The following HDX variants were observed in gnomAD, a reference collection of about 807,000 sequenced individuals.
The protein encoded by HDX is highly divergent homeobox.
In HDX, 19 loss-of-function variants were observed where a neutral mutation model predicts 45.2. That is an observed-to-expected ratio of 0.42 (90% CI 0.29 to 0.62). HDX has a LOEUF of 0.62. Ranked by LOEUF, HDX falls within the 20% of genes least tolerant of loss-of-function variation. HDX has a pLI of 0.20. For missense variants in HDX, 532 were observed against 493.9 expected (o/e 1.08, Z -0.73); for synonymous variants, 188 against 172.8 (o/e 1.09, Z -0.69).
intron 2 of HDX, among the ~76,000 whole-genome samples, chrX:84,483,215 G>A (rs1163329509): frequency 1.8e-5 from 2 of 111,517 alleles, no homozygotes; most frequent in Admixed American, 1.9e-4. Context: ...GAGGACAGTG[G>A]CCCTCTTCTC....
intron 5 of HDX, among the ~76,000 whole-genome samples, chrX:84,417,930 T>G (rs193198037): frequency 2.4e-3 from 267 of 112,135 alleles, no homozygotes; most frequent in Non-Finnish European, 4.2e-3. Flanking sequence ...AGCTATTCCC[T>G]GTACTCCTCA....
intron 9 of HDX, among the ~76,000 whole-genome samples, chrX:84,328,420 T>C (rs1165268839): frequency 1.8e-5 from 2 of 110,920 alleles, no homozygotes; most frequent in Non-Finnish European, 3.8e-5. Flanking sequence ...TTAAAATATA[T>C]TGTAAAGAAA....
intron 2 of HDX, among the ~76,000 whole-genome samples, chrX:84,485,631 C>T (rs1310028452): frequency 3.6e-5 from 4 of 112,013 alleles, no homozygotes; most frequent in Non-Finnish European, 7.5e-5. Context: ...CTCCTGGCCT[C>T]AAGTGATCTG....
chrX:84,380,594 C>T (rs1216145262), intron 5 of HDX, among the ~76,000 whole-genome samples: 1 of 111,334 alleles, frequency 9.0e-6, no homozygotes, highest in Non-Finnish European at 1.9e-5. Flanking sequence ...CAATGTGATA[C>T]ATCACACCAA....
chrX:84,450,267 A>C (rs5923007), intron 4 of HDX, among the ~76,000 whole-genome samples: 49,312 of 109,952 alleles, frequency 0.45, 8,619 homozygotes, highest in Middle Eastern at 0.65. Flanking sequence ...ACAACAAAAA[A>C]AACCATCACT....
intron 5 of HDX, among the ~76,000 whole-genome samples, chrX:84,366,244 G>A (rs906726898): frequency 5.4e-5 from 6 of 111,496 alleles, no homozygotes; most frequent in African/African-American, 1.3e-4. Flanking sequence ...TTGCTACAAA[G>A]AGAATAAAAT....
intron 7 of HDX, among the ~76,000 whole-genome samples, chrX:84,342,789 A>T (rs1202201023): frequency 1.2e-3 from 135 of 111,631 alleles, no homozygotes; most frequent in African/African-American, 4.2e-3. Context: ...GTATAAGGAA[A>T]GACTGTAATC....
intron 4 of HDX, among the ~76,000 whole-genome samples, chrX:84,455,533 CA>C (rs1437659511): frequency 1.8e-5 from 2 of 111,141 alleles, no homozygotes; most frequent in Admixed American, 9.5e-5. Context: ...CCAGAGAAGA[CA>C]AAATATAAAA....
intron 2 of HDX, among the ~76,000 whole-genome samples, chrX:84,484,828 G>A (rs748829059): frequency 9.0e-6 from 1 of 111,585 alleles, no homozygotes; most frequent in South Asian, 3.7e-4. Flanking sequence ...GCTTTGTTTG[G>A]ATTTAATTTA....
At chrX:84,397,466 G>A (rs2038592554) in intron 5 of HDX, among the ~76,000 whole-genome samples, 1 of 111,532 alleles carries the variant, frequency 9.0e-6, no homozygotes, top group South Asian at 3.8e-4. Context: ...GTCTGCATGG[G>A]TCAAGAGGCT....
At chrX:84,438,993 T>G (rs2039699542) in intron 5 of HDX, among the ~76,000 whole-genome samples, 1 of 112,258 alleles carries the variant, frequency 8.9e-6, no homozygotes, top group African/African-American at 3.2e-5. Flanking sequence ...CTAGTTTGCA[T>G]TCCCAGCAAC....
At chrX:84,435,353 T>A (rs2039599282) in intron 5 of HDX, among the ~76,000 whole-genome samples, 1 of 111,432 alleles carries the variant, frequency 9.0e-6, no homozygotes, top group African/African-American at 3.3e-5. Flanking sequence ...GCTGCATAAA[T>A]GTCTTCTTTT....
chrX:84,443,014 C>T (rs1019150657), intron 4 of HDX, among the ~76,000 whole-genome samples: 1 of 111,509 alleles, frequency 9.0e-6, no homozygotes, highest in African/African-American at 3.2e-5. Flanking sequence ...ATACAAAACT[C>T]CTATAAGCAC....
intron 5 of HDX, among the ~76,000 whole-genome samples, chrX:84,429,081 C>A (rs1602438715): frequency 9.1e-6 from 1 of 110,426 alleles, no homozygotes; most frequent in Admixed American, 9.7e-5. Flanking sequence ...TGTTTTTATT[C>A]CTATAGCATT....
At chrX:84,449,620 GC>G (rs1219633774) in intron 4 of HDX, among the ~76,000 whole-genome samples, 9 of 111,471 alleles carry the variant, frequency 8.1e-5, no homozygotes, top group Non-Finnish European at 1.5e-4. Flanking sequence ...ACAAACAAAA[GC>G]TGCAATTCAC....
At chrX:84,449,361 T>C (rs2039946520) in intron 4 of HDX, among the ~76,000 whole-genome samples, 1 of 111,731 alleles carries the variant, frequency 9.0e-6, no homozygotes, top group Admixed American at 9.5e-5. Context: ...CTCTATGGCA[T>C]AATACAGTAA....
chrX:84,336,717 T>G (rs934270199), intron 8 of HDX, 84 bp downstream of exon 8: 3 of 652,300 alleles, frequency 4.6e-6, no homozygotes, highest in Non-Finnish European at 7.1e-6. Flanking sequence ...GACTTTATTC[T>G]GAAAATGAGA....
intron 6 of HDX, among the ~76,000 whole-genome samples, chrX:84,358,382 C>G (rs2037538421): frequency 9.0e-6 from 1 of 111,632 alleles, no homozygotes; most frequent in Admixed American, 9.5e-5. Flanking sequence ...ATGACAATGA[C>G]AACAAGAACA....
intron 9 of HDX, among the ~76,000 whole-genome samples, chrX:84,332,508 G>A (rs1383802916): frequency 2.7e-5 from 3 of 110,986 alleles, no homozygotes; most frequent in Admixed American, 9.6e-5. Context: ...CCACCCAAGA[G>A]GGGAGAGGTC....
Sources: gnomAD v4.1 joint callset for allele counts (sites outside exome capture counted in the v4.1 genomes callset) on GRCh38, gnomAD v4.1.1 for gene constraint, MANE v1.5 for transcripts, NCBI Gene and HGNC (gene_info 2026-07-23, HGNC 2026-07-21) for gene names.